Variants in ZBTB16 observed in about 807,000 individuals in gnomAD.
ZBTB16 encodes the protein zinc finger and BTB domain-containing protein 16.
Under a neutral mutation model 56.8 loss-of-function variants are expected in ZBTB16, and 8 were observed. The observed-to-expected ratio is 0.14, with a 90% CI of 0.08 to 0.25. ZBTB16 has a LOEUF of 0.25. Ranked by LOEUF, ZBTB16 falls within the 10% of genes least tolerant of loss-of-function variation. ZBTB16 has a pLI of 1.00. For missense variants in ZBTB16, 625 were observed against 903.0 expected, an observed-to-expected ratio of 0.69 and a Z score of 3.95; for synonymous variants, 363 against 368.5, an observed-to-expected ratio of 0.98 and a Z score of 0.17.
At chr11:114,223,961 G>A (rs764063958) in intron 4 of ZBTB16, among the ~76,000 whole-genome samples, 1 of 152,108 alleles carries the variant, frequency 6.6e-6, no homozygotes, top group Admixed American at 6.6e-5. Context: ...GTGGGGAGGA[G>A]GGCTAAGATC....
chr11:114,095,988 T>C (rs181123870), intron 2 of ZBTB16, among the ~76,000 whole-genome samples: 1 of 152,218 alleles, frequency 6.6e-6, no homozygotes, highest in Non-Finnish European at 1.5e-5. Context: ...CAAAATTGGC[T>C]TAGAATTGGA....
chr11:114,159,257 C>G (rs752545564), intron 3 of ZBTB16, among the ~76,000 whole-genome samples: 7 of 152,166 alleles, frequency 4.6e-5, no homozygotes, highest in Admixed American at 2.0e-4. Flanking sequence ...TATGGCTGCT[C>G]CAGAGGCTTT....
chr11:114,123,825 G>A (rs965741568), intron 2 of ZBTB16, among the ~76,000 whole-genome samples: 2 of 152,150 alleles, frequency 1.3e-5, no homozygotes, highest in African/African-American at 4.8e-5. Flanking sequence ...AAGAGGAGCA[G>A]TGGAGCCACC....
At chr11:114,225,136 C>T (rs1944304009) in intron 4 of ZBTB16, among the ~76,000 whole-genome samples, 1 of 152,038 alleles carries the variant, frequency 6.6e-6, no homozygotes, top group African/African-American at 2.4e-5. Flanking sequence ...GACGACGGGC[C>T]TTGAAGTGTG....
At chr11:114,248,940 C>CG (rs1210157061) in intron 6 of ZBTB16, among the ~76,000 whole-genome samples, 1 of 152,064 alleles carries the variant, frequency 6.6e-6, no homozygotes, top group East Asian at 1.9e-4. Flanking sequence ...GGCCTGTGCG[C>CG]GGGGGAGTAT....
intron 4 of ZBTB16, among the ~76,000 whole-genome samples, chr11:114,212,197 G>A (rs1344454589): frequency 1.3e-5 from 2 of 152,106 alleles, no homozygotes; most frequent in African/African-American, 4.8e-5. Flanking sequence ...TTTCTGAATA[G>A]TGTTCTTTAA....
intron 2 of ZBTB16, among the ~76,000 whole-genome samples, chr11:114,086,138 C>T (rs1000234736): frequency 6.6e-6 from 1 of 152,172 alleles, no homozygotes; most frequent in Non-Finnish European, 1.5e-5. Flanking sequence ...AGTCACACAC[C>T]TGTCCTTTTT....
chr11:114,166,681 A>T (rs1362666918), intron 3 of ZBTB16, among the ~76,000 whole-genome samples: 1 of 152,048 alleles, frequency 6.6e-6, no homozygotes, highest in Admixed American at 6.5e-5. Flanking sequence ...TTTCAACTTC[A>T]TTGTTTGTTA....
intron 4 of ZBTB16, among the ~76,000 whole-genome samples, chr11:114,203,472 G>C (rs1006770087): frequency 6.6e-6 from 1 of 152,090 alleles, no homozygotes; most frequent in African/African-American, 2.4e-5. Context: ...AGGATCACTT[G>C]AGCCCAGGAG....
chr11:114,232,430 A>C (rs1020841151), intron 4 of ZBTB16, among the ~76,000 whole-genome samples: 1 of 152,202 alleles, frequency 6.6e-6, no homozygotes, highest in African/African-American at 2.4e-5. Flanking sequence ...AGTTCTCTGC[A>C]TCTTGGGAGA....
chr11:114,105,244 CT>C (rs560912055), intron 2 of ZBTB16, among the ~76,000 whole-genome samples: 4,181 of 145,656 alleles, frequency 0.029, 75 homozygotes, highest in Middle Eastern at 0.071. Context: ...CTCTCTCTCT[CT>C]TTTTTTTTTT....
In ZBTB16 at chr11:114,186,989, A is replaced by G; in HGVS notation, c.1404A>G (p.Ala468=). 2 of 1,614,062 alleles carry G rather than the reference A, an allele frequency of 1.2e-6. No individual in the cohort carries two copies. The highest frequency in any genetic ancestry group is 1.7e-6 in the Non-Finnish European group (2 of 1,180,008). Residue 468 remains alanine, a synonymous_variant, in exon 4 of 7, where the codon GCA becomes GCG. Coordinates refer to ENST00000335953, the MANE Select transcript of ZBTB16 (RefSeq NM_006006.6). Reference sequence around the variant, plus strand: ...CCTTTGTCTGTGATCAGTGCGGTGCACAGTTTTCGAAGGAGGATGCCCTGG... The same window carrying G: ...CCTTTGTCTGTGATCAGTGCGGTGCGCAGTTTTCGAAGGAGGATGCCCTGG... The part of the protein sequence containing the change: ...AKAFVCDQCG[A]QFSKEDALET...
intron 3 of ZBTB16, among the ~76,000 whole-genome samples, chr11:114,176,118 T>C (rs1943108139): frequency 6.6e-6 from 1 of 151,940 alleles, no homozygotes. Context: ...TAGATGAGGA[T>C]GAGAGGAGAC....
At chr11:114,190,304 C>T (rs1298399448) in intron 4 of ZBTB16, among the ~76,000 whole-genome samples, 1 of 152,118 alleles carries the variant, frequency 6.6e-6, no homozygotes, top group Non-Finnish European at 1.5e-5. Context: ...CCTGATAAAC[C>T]CATCATAAGT....
rs370042291 is a variant in ZBTB16, at chr11:114,062,292, G to A, written c.-90-919G>A. 2.8e-3 allele frequency among the ~76,000 whole-genome samples: 430 copies of A among 151,166 alleles called. 3 individuals are homozygous for A. The highest frequency in any genetic ancestry group is 1.0e-2 in the African/African-American group (412 of 41,204). The stretch of plus-strand genomic sequence containing the variant: ...CTAATTTTGTATTTTTTGTAGAGAC[G>A]GGGCTTCTCCATGTTGGTCAGGCTG... On this transcript the variant is annotated intron_variant, in intron 1 of 6. Transcript: ENST00000335953.
chr11:114,107,043 A>G (rs893580694), intron 2 of ZBTB16, among the ~76,000 whole-genome samples: 3 of 152,196 alleles, frequency 2.0e-5, no homozygotes, highest in African/African-American at 7.2e-5. Context: ...AGATAAATGC[A>G]CATACATATA....
chr11:114,068,779 C>T (rs1261114648), intron 2 of ZBTB16, among the ~76,000 whole-genome samples: 1 of 152,188 alleles, frequency 6.6e-6, no homozygotes, highest in East Asian at 1.9e-4. Context: ...AGCAGTTCTG[C>T]ATGTAGGCTT....
intron 2 of ZBTB16, among the ~76,000 whole-genome samples, chr11:114,148,445 C>CTCGT (rs1942189154): frequency 1.8e-5 from 1 of 56,876 alleles, no homozygotes; most frequent in Admixed American, 2.1e-4. Flanking sequence ...CTTTCTCTCT[C>CTCGT]TCTGTCTGTC....
intron 3 of ZBTB16, among the ~76,000 whole-genome samples, chr11:114,158,283 G>A (rs1445225156): frequency 1.3e-5 from 2 of 152,140 alleles, no homozygotes; most frequent in East Asian, 1.9e-4. Context: ...CCTCTCAGCC[G>A]CAGTAAGCGT....
Sources: allele counts gnomAD v4.1 joint callset (sites outside exome capture counted in the v4.1 genomes callset), GRCh38; gene constraint gnomAD v4.1.1; transcripts MANE v1.5; gene names NCBI Gene and HGNC (gene_info 2026-07-23, HGNC 2026-07-21).